Variants in MTG1 observed in about 807,000 individuals in gnomAD.
The protein encoded by MTG1 is mitochondrial ribosome-associated GTPase 1.
In MTG1, 30 loss-of-function variants were observed where a neutral mutation model predicts 39.5. The observed-to-expected ratio is 0.76, with a 90% CI of 0.57 to 1.03. The LOEUF (loss-of-function observed/expected upper bound fraction) is 1.03. Ranked by LOEUF, MTG1 falls within the 50% of genes least tolerant of loss-of-function variation. The probability of loss-of-function intolerance (pLI) is 0.00; values close to 1 mark genes in which losing one functional copy is unlikely to be tolerated. For synonymous variants in MTG1, 217 were observed against 179.0 expected (o/e 1.21, Z -1.69); for missense variants, 513 against 447.4 (o/e 1.15, Z -1.32).
chr10:133,416,159 T>C (rs1333408785), intron 9 of MTG1, among the ~76,000 whole-genome samples: 3 of 152,092 alleles, frequency 2.0e-5, no homozygotes, highest in Non-Finnish European at 2.9e-5. Context: ...TCTTCTGCAA[T>C]GTATAATCTG....
At position 133,422,453 on chromosome 10, in the gene MTG1, A is replaced by G. The variant is rs988078309; in HGVS notation, c.*2288A>G. On this transcript the variant is annotated 3_prime_UTR_variant, in exon 11 of 11. Transcript: ENST00000317502. Reference sequence around the variant, plus strand: ...AACCTGAAGTTCAAAGGACTTGGAAAGCTCTGGAATGTGTTGGTTTTTCCC... The same window carrying G: ...AACCTGAAGTTCAAAGGACTTGGAAGGCTCTGGAATGTGTTGGTTTTTCCC... 3.3e-5 allele frequency: 5 copies of G among 152,280 alleles called. No homozygotes were observed. Among genetic ancestry groups the G allele is most frequent in the African/African-American group, 1.2e-4 (5 of 41,464 alleles). 9.4% of individuals were successfully genotyped at this position (152,280 alleles called of 1,614,324 possible). A position where few individuals can be genotyped will look rare whatever the true frequency, so the allele number is the denominator to read the frequency against.
chr10:133,407,076 TTCTTGGCAC>T (rs1162218850), intron 9 of MTG1, among the ~76,000 whole-genome samples: 1 of 152,222 alleles, frequency 6.6e-6, no homozygotes, highest in African/African-American at 2.4e-5. Flanking sequence ...CCAGTGTATG[TTCTTGGCAC>T]TTTTGTCGAA....
At chr10:133,394,545 C>G in intron 1 of MTG1, 1 of 1,334,900 alleles carries the variant, frequency 7.5e-7, no homozygotes, top group Non-Finnish European at 9.6e-7. Flanking sequence ...CCCGTTCCCG[C>G]GAGTGCCCCC....
At position 133,419,563 on chromosome 10, in the gene MTG1, C is replaced by T. The variant is rs768253637; in HGVS notation, c.836C>T (p.Thr279Met). The change falls in exon 10 of 11, where the codon ACG becomes ATG. Residue 279 changes from threonine (T) to methionine (M), a missense_variant. Physicochemically the swap from Thr to Met is moderately conservative, Grantham distance 81. Transcript: ENST00000317502. ...AGTGTGGCTGTGAAGCTGGGGAAGA[C>T]GCAGAAGGTGAAGGTGCTCACGGGC... is the stretch of plus-strand genomic sequence containing the variant. ...LKSVAVKLGK[T>M]QKVKVLTGTG... The T allele has an allele frequency of 3.0e-5, 48 of 1,608,920 alleles. No homozygotes were observed. Among genetic ancestry groups the T allele is most frequent in the Admixed American group, 2.7e-4 (16 of 59,482 alleles).
In MTG1 at chr10:133,402,105, G is replaced by GA; in HGVS notation, c.574-43dup. On this transcript the variant is annotated intron_variant, in intron 7 of 10. Coordinates refer to ENST00000317502, the MANE Select transcript of MTG1 (RefSeq NM_138384.4). This position sits in a 1 kb window ranked among gnomAD's most constrained non-coding sequence, Gnocchi z 4.7. ...CTTCCTGAGTGGCCCACCTGGGTGG[G>GA]AGGCTGCCACCGCGGCCTGATCATG... The GA allele has an allele frequency of 1.9e-6, 3 of 1,611,620 alleles. No homozygotes were observed. The highest frequency in any genetic ancestry group is 1.7e-6 in the Non-Finnish European group (2 of 1,178,744).
In MTG1 at chr10:133,420,858, ACCCCT is replaced by A. The variant is rs1850220892; in HGVS notation, c.*694_*698del. ...AGGCCGCCCGGCATGGGCAGTAGAG[ACCCCT>A]GGCCTCTGAGCACCTTCTAGCTCAC... On this transcript the variant is annotated 3_prime_UTR_variant, in exon 11 of 11. Transcript: ENST00000317502. 1 of 152,260 alleles carries A rather than the reference ACCCCT, an allele frequency of 6.6e-6. No individual in the cohort carries two copies. The highest frequency in any genetic ancestry group is 1.5e-5 in the Non-Finnish European group (1 of 68,118). 9.4% of individuals were successfully genotyped at this position (152,260 alleles called of 1,614,324 possible).
intron 3 of MTG1, among the ~76,000 whole-genome samples, chr10:133,396,874 C>CA (rs1206932621): frequency 1.3e-5 from 2 of 152,184 alleles, no homozygotes; most frequent in African/African-American, 4.8e-5. Context: ...GCGGTAACGC[C>CA]AGTGTCTGGG....
chr10:133,404,520 C>CT (rs1307320834), intron 9 of MTG1, among the ~76,000 whole-genome samples: 3 of 152,182 alleles, frequency 2.0e-5, no homozygotes, highest in African/African-American at 7.2e-5. Flanking sequence ...TTTCAGCCCT[C>CT]TTAACAGTGT....
intron 1 of MTG1, chr10:133,394,688 A>G (rs972822925): frequency 6.1e-5 from 67 of 1,105,472 alleles, no homozygotes; most frequent in Middle Eastern, 3.9e-4. Context: ...TCTTGACAAG[A>G]TAGACTTTTC....
At chr10:133,412,732 G>A (rs7083614) in intron 9 of MTG1, among the ~76,000 whole-genome samples, 32,050 of 152,064 alleles carry the variant, frequency 0.21, 3,743 homozygotes, top group East Asian at 0.34. Context: ...TCTGGCTAGA[G>A]GCTTATTAAT....
intron 4 of MTG1, 98 bp downstream of exon 4, chr10:133,398,613 G>T: frequency 7.3e-7 from 1 of 1,377,176 alleles, no homozygotes. Flanking sequence ...CAGAGCTTTG[G>T]AAAAGATCCT....
intron 9 of MTG1, among the ~76,000 whole-genome samples, chr10:133,407,458 C>G (rs1206738527): frequency 6.6e-6 from 1 of 151,902 alleles, no homozygotes; most frequent in African/African-American, 2.4e-5. Flanking sequence ...TCTTCAATTT[C>G]TTTTATCAGT....
intron 9 of MTG1, among the ~76,000 whole-genome samples, chr10:133,417,156 A>C (rs1850144778): frequency 6.6e-6 from 1 of 152,170 alleles, no homozygotes; most frequent in African/African-American, 2.4e-5. Flanking sequence ...GATGGCCAGC[A>C]GCACATCAAA....
At position 133,402,813 on chromosome 10, in the gene MTG1, C is replaced by T; in HGVS notation, c.752+40C>T. The T allele has an allele frequency of 2.1e-6, 3 of 1,423,116 alleles. No homozygotes were observed. The highest frequency in any genetic ancestry group is 1.5e-5 in the African/African-American group (1 of 68,164). The allele number at this position is 1,423,116 out of a possible 1,614,324, so 88.2% of individuals were successfully genotyped here. On this transcript the variant is annotated intron_variant, in intron 9 of 10. Coordinates refer to ENST00000317502, the MANE Select transcript of MTG1 (RefSeq NM_138384.4). The surrounding 1 kb of genome is among the most constrained non-coding windows in gnomAD (Gnocchi z 4.7). ...TGCAGGGCAGCTGGGGCCCCTCCTCCTAGTCACCTCATTTAAAAAAAAAAA... is the reference window on the plus strand; with the variant it reads ...TGCAGGGCAGCTGGGGCCCCTCCTCTTAGTCACCTCATTTAAAAAAAAAAA...
intron 9 of MTG1, among the ~76,000 whole-genome samples, chr10:133,416,848 A>G (rs1408925117): frequency 6.6e-6 from 1 of 151,432 alleles, no homozygotes; most frequent in Non-Finnish European, 1.5e-5. Context: ...ATTGTGAATA[A>G]TGCCGCAATA....
chr10:133,395,226 T>A (rs946156768), intron 1 of MTG1, among the ~76,000 whole-genome samples: 1 of 152,100 alleles, frequency 6.6e-6, no homozygotes, highest in Non-Finnish European at 1.5e-5. Flanking sequence ...AAACCGTGTC[T>A]CTACTAAAAA....
chr10:133,414,637 C>G (rs972897809), intron 9 of MTG1, among the ~76,000 whole-genome samples: 11 of 150,706 alleles, frequency 7.3e-5, no homozygotes, highest in African/African-American at 2.7e-4. Context: ...CTCATCACTT[C>G]CCAGACTGGG....
At chr10:133,400,504 C>T (rs929342412) in intron 6 of MTG1, among the ~76,000 whole-genome samples, 1 of 152,236 alleles carries the variant, frequency 6.6e-6, no homozygotes, top group East Asian at 1.9e-4. Flanking sequence ...ATTAATAAGG[C>T]ATTTATTAAC....
Position 133,398,438 on chromosome 10 carries a change from A to G in MTG1, c.286A>G (p.Ile96Val). Residue 96 changes from isoleucine (I) to valine (V), a missense_variant, in exon 4 of 11, where the codon ATT (isoleucine) becomes GTT (valine). Physicochemically the swap from Ile to Val is conservative, Grantham distance 29. Transcript: ENST00000317502. ...DLADLTEQQK[I>V]MQHLEGEGLK... ...AGAAATGTTTTGTGTCTTTCAGAAAATTATGCAACACTTAGAAGGAGAAGG... is the reference window on the plus strand; with the variant it reads ...AGAAATGTTTTGTGTCTTTCAGAAAGTTATGCAACACTTAGAAGGAGAAGG... The G allele has an allele frequency of 1.2e-6, 2 of 1,611,132 alleles. No homozygotes were observed. Among genetic ancestry groups the G allele is most frequent in the East Asian group, 2.2e-5 (1 of 44,868 alleles).
Sources: gnomAD v4.1 joint callset for allele counts (sites outside exome capture counted in the v4.1 genomes callset) on GRCh38, gnomAD v4.1.1 for gene constraint, Gnocchi (gnomAD v3.1) non-coding constraint, MANE v1.5 for transcripts, NCBI Gene and HGNC (gene_info 2026-07-23, HGNC 2026-07-21) for gene names.